The following FAT3 variants were observed in gnomAD, a reference collection of about 807,000 sequenced individuals.
FAT3 encodes protocadherin Fat 3.
FAT3 carries 95 observed loss-of-function variants against 310.2 expected under a neutral mutation model. That is an observed-to-expected ratio of 0.31 (90% CI 0.26 to 0.36). The LOEUF (loss-of-function observed/expected upper bound fraction) is 0.36. Among genes scored for constraint, FAT3 ranks in the 10% least tolerant of loss-of-function variants. The pLI, the probability that FAT3 is intolerant of heterozygous loss-of-function variation, is 1.00. For synonymous variants in FAT3, 2,314 were observed against 2,192.9 expected, an observed-to-expected ratio of 1.06 and a Z score of -1.54; for missense variants, 5,408 against 5,715.6, an observed-to-expected ratio of 0.95 and a Z score of 1.74.
Position 92,798,586 on chromosome 11 carries a change from G to A in FAT3, c.5573G>A (p.Ser1858Asn). 6.2e-7 allele frequency: 1 copy of A among 1,613,778 alleles called. No individual in the cohort carries two copies. The highest frequency in any genetic ancestry group is 1.1e-5 in the South Asian group (1 of 91,050). Reference sequence around the variant, plus strand: ...CATGTGCATGTGAGAGACAGTGGTAGCCCCCAACTGACTGCAGAGAGTCCC... The same window carrying A: ...CATGTGCATGTGAGAGACAGTGGTAACCCCCAACTGACTGCAGAGAGTCCC... The part of the protein sequence containing the change: ...HFHVHVRDSG[S>N]PQLTAESPVE... The change falls in exon 10 of 28, where the codon AGC (serine) becomes AAC (asparagine). Residue 1858 changes from serine (S) to asparagine (N), a missense_variant. Coordinates refer to ENST00000525166, the MANE Select transcript of FAT3 (RefSeq NM_001367949.2).
intron 3 of FAT3, among the ~76,000 whole-genome samples, chr11:92,587,458 TGCACATATTTTAG>T (rs1228611613): frequency 6.6e-6 from 1 of 152,058 alleles, no homozygotes; most frequent in African/African-American, 2.4e-5. Flanking sequence ...GTCAAAGGAA[TGCACATATTTTAG>T]GCTTTTGATA....
intron 3 of FAT3, among the ~76,000 whole-genome samples, chr11:92,693,385 A>G (rs1321233747): frequency 1.3e-5 from 2 of 152,184 alleles, no homozygotes; most frequent in South Asian, 2.1e-4. Context: ...CCTCTCTCGT[A>G]TAGATTACAG....
rs536903226 is a variant in FAT3, at chr11:92,382,539, G to C, written c.3292+27135G>C. ...CTCGTAAGAGGGACCCCTAAAGGTA[G>C]ATCTGGAACATTCCTCCATCCTACC... On this transcript the variant is annotated intron_variant, in intron 2 of 27. Coordinates refer to ENST00000525166, the MANE Select transcript of FAT3 (RefSeq NM_001367949.2). 2.0e-5 allele frequency among the ~76,000 whole-genome samples: 3 copies of C among 152,266 alleles called. No individual in the cohort carries two copies. The South Asian group carries it at 6.2e-4, about 32-fold the overall frequency.
At chr11:92,693,516 C>T (rs1262328728) in intron 3 of FAT3, among the ~76,000 whole-genome samples, 1 of 152,190 alleles carries the variant, frequency 6.6e-6, no homozygotes, top group Non-Finnish European at 1.5e-5. Context: ...GTCTTATTCT[C>T]TATTTGTTCC....
At chr11:92,291,346 T>C (rs969596604) in intron 1 of FAT3, among the ~76,000 whole-genome samples, 2 of 151,956 alleles carry the variant, frequency 1.3e-5, no homozygotes, top group Non-Finnish European at 2.9e-5. Context: ...TTGACACTTG[T>C]ACTCATGAAA....
chr11:92,511,082 T>A (rs1420109415), intron 2 of FAT3, among the ~76,000 whole-genome samples: 1 of 152,246 alleles, frequency 6.6e-6, no homozygotes, highest in Non-Finnish European at 1.5e-5. Context: ...TTTAAGTGCA[T>A]GATAAAATCA....
At chr11:92,428,827 A>G (rs984462077) in intron 2 of FAT3, among the ~76,000 whole-genome samples, 4 of 152,110 alleles carry the variant, frequency 2.6e-5, no homozygotes, top group Admixed American at 6.6e-5. Context: ...ATAAAGTGCT[A>G]TGTGGTGCTG....
intron 2 of FAT3, among the ~76,000 whole-genome samples, chr11:92,368,676 A>G (rs1338293469): frequency 6.6e-6 from 1 of 152,020 alleles, no homozygotes; most frequent in African/African-American, 2.4e-5. Context: ...CTGTAATTCT[A>G]GTGCCACCCA....
chr11:92,705,305 T>C (rs531347234), intron 4 of FAT3, among the ~76,000 whole-genome samples: 10 of 151,214 alleles, frequency 6.6e-5, no homozygotes, highest in African/African-American at 2.0e-4. Context: ...ATGGTGGTGG[T>C]GTGATGATGG....
chr11:92,649,884 T>C lies in FAT3; in HGVS notation c.3608-47500T>C, dbSNP rs1293065654. ...CCCACTTTGTATGTTCATATATATA[T>C]ATATATATATATATATATATATATA... On this transcript the variant is annotated intron_variant, in intron 3 of 27. Coordinates refer to ENST00000525166, the MANE Select transcript of FAT3 (RefSeq NM_001367949.2). 1.6e-3 allele frequency among the ~76,000 whole-genome samples: 95 copies of C among 57,712 alleles called. 3 individuals carry two copies. Among genetic ancestry groups the C allele is most frequent in the African/African-American group, 4.5e-3 (70 of 15,612 alleles). The allele number at this position is 57,712 out of a possible 152,430, so 37.9% of individuals were successfully genotyped here. A position where few individuals can be genotyped will look rare whatever the true frequency, so the allele number is the denominator to read the frequency against.
intron 20 of FAT3, among the ~76,000 whole-genome samples, chr11:92,858,758 TTTC>T (rs2136326090): frequency 6.6e-6 from 1 of 152,310 alleles, no homozygotes; most frequent in South Asian, 2.1e-4. Flanking sequence ...ATGGTTTTGT[TTTC>T]TTTGTTTCAT....
At chr11:92,432,450 G>T (rs1013635855) in intron 2 of FAT3, among the ~76,000 whole-genome samples, 1 of 152,024 alleles carries the variant, frequency 6.6e-6, no homozygotes, top group African/African-American at 2.4e-5. Flanking sequence ...GTTTTTGAGT[G>T]GTCCTCCTTT....
At chr11:92,561,873 A>G (rs576867205) in intron 3 of FAT3, among the ~76,000 whole-genome samples, 3 of 152,128 alleles carry the variant, frequency 2.0e-5, no homozygotes, top group South Asian at 4.2e-4. Flanking sequence ...TGATCCACCC[A>G]TCTCAGCCTC....
intron 21 of FAT3, among the ~76,000 whole-genome samples, chr11:92,864,542 G>A (rs569423802): frequency 2.3e-4 from 35 of 152,316 alleles, no homozygotes; most frequent in African/African-American, 7.9e-4. Flanking sequence ...GTGAGGCTGA[G>A]TGCGGTGGCC....
intron 1 of FAT3, among the ~76,000 whole-genome samples, chr11:92,337,976 A>G (rs1268619175): frequency 6.6e-6 from 1 of 152,210 alleles, no homozygotes; most frequent in Non-Finnish European, 1.5e-5. Context: ...TTTTTAAAAA[A>G]CGAGGAAATA....
At chr11:92,522,327 G>A (rs1953713201) in intron 2 of FAT3, among the ~76,000 whole-genome samples, 1 of 152,124 alleles carries the variant, frequency 6.6e-6, no homozygotes. Flanking sequence ...CTGGTGTCCT[G>A]TACTCACAGA....
At chr11:92,710,550 G>T (rs1160831909) in intron 4 of FAT3, among the ~76,000 whole-genome samples, 1 of 152,196 alleles carries the variant, frequency 6.6e-6, no homozygotes, top group East Asian at 1.9e-4. Flanking sequence ...AGGTATGCAG[G>T]AATTAGAGAT....
chr11:92,419,110 T>C (rs1289760937), intron 2 of FAT3, among the ~76,000 whole-genome samples: 1 of 152,170 alleles, frequency 6.6e-6, no homozygotes, highest in East Asian at 1.9e-4. Context: ...ACAGGCTCCT[T>C]GTTCTCCTAC....
intron 1 of FAT3, among the ~76,000 whole-genome samples, chr11:92,265,354 A>AT (rs1182743863): frequency 1.3e-5 from 2 of 151,904 alleles, no homozygotes; most frequent in African/African-American, 4.8e-5. Context: ...ACCCTTCAGT[A>AT]TTGACTGCGT....
Sources: gnomAD v4.1 joint callset for allele counts (sites outside exome capture counted in the v4.1 genomes callset) on GRCh38, gnomAD v4.1.1 for gene constraint, MANE v1.5 for transcripts, NCBI Gene and HGNC (gene_info 2026-07-23, HGNC 2026-07-21) for gene names.